Variants in COX7A2L observed in about 807,000 individuals in gnomAD.
COX7A2L encodes cytochrome c oxidase subunit 7A2 like.
COX7A2L carries 18 observed loss-of-function variants against 14.2 expected under a neutral mutation model. That is an observed-to-expected ratio of 1.27 (90% CI 0.88 to 1.88). The LOEUF is 1.88. Ranked by LOEUF, COX7A2L falls within the 40% of genes most tolerant of loss-of-function variation. COX7A2L has a pLI of 0.00. For synonymous variants in COX7A2L, 65 were observed against 57.4 expected, an observed-to-expected ratio of 1.13 and a Z score of -0.60; for missense variants, 179 against 138.8, an observed-to-expected ratio of 1.29 and a Z score of -1.46.
chr2:42,345,755 G>C (rs1431338361), downstream of COX7A2L, among the ~76,000 whole-genome samples: 1 of 152,178 alleles, frequency 6.6e-6, no homozygotes, highest in East Asian at 1.9e-4. Context: ...ACCCCATGAA[G>C]TCTTCATACC....
intron 2 of COX7A2L, among the ~76,000 whole-genome samples, chr2:42,336,099 A>G (rs2103869042): frequency 1.3e-5 from 2 of 152,316 alleles, no homozygotes; most frequent in Middle Eastern, 6.8e-3. Context: ...CATTTCACTG[A>G]GCTCAGCGTG....
chr2:42,339,505 C>T lies in COX7A2L; in HGVS notation c.193-5636G>A, dbSNP rs1449144929. ...CTCCAGGCATGTGAGCGACACTGGC[C>T]GACAACCTCCTTGAAACCCCCTCCT... On this transcript the variant is annotated intron_variant, in intron 2 of 2. Transcript: ENST00000468711. The surrounding 1 kb of genome is among the most constrained non-coding windows in gnomAD (Gnocchi z 5.4). Among the ~76,000 whole-genome samples the T allele has an allele frequency of 6.6e-6, 1 of 152,160 alleles. No homozygotes were observed. Among genetic ancestry groups the T allele is most frequent in the African/African-American group, 2.4e-5 (1 of 41,426 alleles).
upstream of COX7A2L, among the ~76,000 whole-genome samples, chr2:42,363,039 T>C (rs752048761): frequency 6.6e-6 from 1 of 151,912 alleles, no homozygotes; most frequent in Non-Finnish European, 1.5e-5. Context: ...CACGCCTGGC[T>C]AATTTTTTGT....
rs1414140964 is a variant in COX7A2L at position 42,338,192 on chromosome 2, TCTC to T, written c.193-4326_193-4324del. 6.6e-6 allele frequency among the ~76,000 whole-genome samples: 1 copy of T among 152,142 alleles called. No homozygotes were observed. The highest frequency in any genetic ancestry group is 2.4e-5 in the African/African-American group (1 of 41,430). On this transcript the variant is annotated intron_variant, in intron 2 of 2. Coordinates refer to the COX7A2L transcript ENST00000468711. This position sits in a 1 kb window ranked among gnomAD's most constrained non-coding sequence, Gnocchi z 4.4. Reference sequence around the variant, plus strand: ...AAGGCAGAGACAGCCGTTCCGTGTTTCTCCCCCAGCCGCAGCGGCCAGGGAGCC... The same window carrying T: ...AAGGCAGAGACAGCCGTTCCGTGTTTCCCCAGCCGCAGCGGCCAGGGAGCC...
rs368439927 is a variant in COX7A2L, at chr2:42,335,965, G to A, written c.193-2096C>T. Among the ~76,000 whole-genome samples, 138 of 152,326 alleles carry A rather than the reference G, an allele frequency of 9.1e-4. 1 individual carries two copies. Among genetic ancestry groups the A allele is most frequent in the African/African-American group, 3.2e-3 (131 of 41,570 alleles). On this transcript the variant is annotated intron_variant, in intron 2 of 2. Transcript: ENST00000468711. ...TGGTTCACTGTGGCACCTGCTGCCAGCAAATGCCTGTTCTTCCTGCCTTCT... is the reference window on the plus strand; with the variant it reads ...TGGTTCACTGTGGCACCTGCTGCCAACAAATGCCTGTTCTTCCTGCCTTCT...
In COX7A2L at chr2:42,360,993, G is replaced by A. The variant is rs747043515; in HGVS notation, c.72+97C>T. On this transcript the variant is annotated intron_variant, in intron 1 of 2. Transcript: ENST00000234301. ...GGAGAACAGAGACGAACTCGACCGC[G>A]GGCAGAAGCCTCCCCTGGCTCCAAC... 3.4e-5 allele frequency: 45 copies of A among 1,307,820 alleles called. 1 individual carries two copies. The highest frequency in any genetic ancestry group is 5.0e-5 in the South Asian group (4 of 80,708). The allele number at this position is 1,307,820 out of a possible 1,614,324, so 81.0% of individuals were successfully genotyped here.
chr2:42,361,634 G>A (rs557540303), upstream of COX7A2L: 51 of 154,314 alleles, frequency 3.3e-4, no homozygotes, highest in South Asian at 8.8e-3. Context: ...CTACATCGAA[G>A]CCGGTTGGGA....
intron 1 of COX7A2L, among the ~76,000 whole-genome samples, chr2:42,358,537 C>G (rs961771562): frequency 5.9e-5 from 9 of 152,172 alleles, no homozygotes; most frequent in African/African-American, 7.2e-5. Context: ...GTCAGAGCAC[C>G]TAGTTGGGAG....
intron 1 of COX7A2L, among the ~76,000 whole-genome samples, chr2:42,367,553 AAAAG>A (rs1671190054): frequency 6.6e-6 from 1 of 152,244 alleles, no homozygotes. Context: ...TCTCCTCCTT[AAAAG>A]AAAGGGAACT....
upstream of COX7A2L, among the ~76,000 whole-genome samples, chr2:42,364,434 A>C (rs1005915076): frequency 1.3e-5 from 2 of 152,096 alleles, no homozygotes; most frequent in African/African-American, 4.8e-5. Context: ...TACCTTTTCC[A>C]TTGTTGTTTA....
At chr2:42,360,967 A>T in intron 1 of COX7A2L, 123 bp downstream of exon 1, 1 of 981,168 alleles carries the variant, frequency 1.0e-6, no homozygotes, top group Non-Finnish European at 1.6e-6. Context: ...GGGAGGTGCA[A>T]GGAGAACAGA....
chr2:42,347,115 T>C (rs1261626529), downstream of COX7A2L, among the ~76,000 whole-genome samples: 18 of 152,164 alleles, frequency 1.2e-4, no homozygotes, highest in East Asian at 3.5e-3. Context: ...ATCTGCCACC[T>C]CAGCCTCCCA....
At chr2:42,361,480 C>G (rs928659707), upstream of COX7A2L, 67 of 249,218 alleles carry the variant, frequency 2.7e-4, no homozygotes, top group Non-Finnish European at 8.7e-5. Context: ...AAGAAATGCG[C>G]AAGCGCTCCA....
chr2:42,337,959 C>T (rs1246404698), intron 2 of COX7A2L, among the ~76,000 whole-genome samples: 1 of 152,106 alleles, frequency 6.6e-6, no homozygotes, highest in Non-Finnish European at 1.5e-5. Context: ...CCATGGGTCC[C>T]TGTGGGAGAA....
chr2:42,341,600 G>C (rs903788389), intron 2 of COX7A2L, among the ~76,000 whole-genome samples: 1 of 152,206 alleles, frequency 6.6e-6, no homozygotes, highest in East Asian at 1.9e-4. Context: ...AGAGTGATGG[G>C]TGGGGGGACA....
chr2:42,353,155 G>A (rs762949651), intron 2 of COX7A2L, 57 bp downstream of exon 2: 1 of 1,580,800 alleles, frequency 6.3e-7, no homozygotes, highest in African/African-American at 1.4e-5. Context: ...TTTCATAAGG[G>A]ATTTTTTAAG....
At chr2:42,341,235 G>C (rs915455122) in intron 2 of COX7A2L, among the ~76,000 whole-genome samples, 1 of 152,138 alleles carries the variant, frequency 6.6e-6, no homozygotes, top group African/African-American at 2.4e-5. Flanking sequence ...GACTGAGGCT[G>C]CAGACAGGCC....
chr2:42,358,651 C>G (rs1277519632), intron 1 of COX7A2L, among the ~76,000 whole-genome samples: 1 of 152,144 alleles, frequency 6.6e-6, no homozygotes, highest in African/African-American at 2.4e-5. Flanking sequence ...CTAAGAAGTT[C>G]AAATTCTCAA....
At chr2:42,354,107 T>A (rs942092956) in intron 1 of COX7A2L, among the ~76,000 whole-genome samples, 3 of 152,164 alleles carry the variant, frequency 2.0e-5, no homozygotes, top group Non-Finnish European at 2.9e-5. Flanking sequence ...GAGGTAACAG[T>A]TAAAAGGTAC....
Sources: allele counts gnomAD v4.1 joint callset (sites outside exome capture counted in the v4.1 genomes callset), GRCh38; gene constraint gnomAD v4.1.1; non-coding constraint Gnocchi (gnomAD v3.1); transcripts MANE v1.5; gene names NCBI Gene and HGNC (gene_info 2026-07-23, HGNC 2026-07-21).